UGGT2: variants seen among roughly 807,000 people sequenced by gnomAD.
The protein encoded by UGGT2 is UDP-glucose glycoprotein glucosyltransferase 2.
UGGT2 carries 180 observed loss-of-function variants against 192.1 expected under a neutral mutation model. The observed-to-expected ratio is 0.94, with a 90% CI of 0.83 to 1.06. UGGT2 has a LOEUF of 1.06. UGGT2 is among the 50% of genes least tolerant of loss of function. UGGT2 has a pLI of 0.00. For missense variants in UGGT2, 1,849 were observed against 1,795.7 expected, an observed-to-expected ratio of 1.03 and a Z score of -0.54; for synonymous variants, 580 against 591.0, an observed-to-expected ratio of 0.98 and a Z score of 0.27.
intron 20 of UGGT2, among the ~76,000 whole-genome samples, chr13:95,916,321 C>T (rs1046830983): frequency 6.6e-6 from 1 of 152,132 alleles, no homozygotes; most frequent in Non-Finnish European, 1.5e-5. Context: ...AGAAGAGCAG[C>T]TTGACCGTTA....
chr13:95,802,604 C>T (rs1884110892), intron 38 of UGGT2, among the ~76,000 whole-genome samples: 1 of 152,170 alleles, frequency 6.6e-6, no homozygotes, highest in South Asian at 2.1e-4. Flanking sequence ...ACAACTTCAT[C>T]CCAGGATACA....
intron 20 of UGGT2, among the ~76,000 whole-genome samples, chr13:95,903,803 T>C (rs990155111): frequency 6.6e-6 from 1 of 152,162 alleles, no homozygotes; most frequent in African/African-American, 2.4e-5. Context: ...TAAATAGTTT[T>C]TCAAAGTAAT....
At chr13:95,887,655 A>C (rs2047682351) in intron 26 of UGGT2, among the ~76,000 whole-genome samples, 1 of 152,198 alleles carries the variant, frequency 6.6e-6, no homozygotes, top group Non-Finnish European at 1.5e-5. Context: ...ACCTATGAAT[A>C]AATATAAATC....
At chr13:95,957,220 A>G (rs187794170) in intron 12 of UGGT2, among the ~76,000 whole-genome samples, 29 of 152,364 alleles carry the variant, frequency 1.9e-4, no homozygotes, top group Admixed American at 1.7e-3. Context: ...CGTTCGGGAT[A>G]ATGAAAAAGT....
chr13:96,023,286 C>A (rs951380982), intron 3 of UGGT2, 134 bp from the exon 4 acceptor site: 1 of 663,034 alleles, frequency 1.5e-6, no homozygotes, highest in Non-Finnish European at 2.2e-6. Context: ...AGTAAAAAAA[C>A]ATCTATACGT....
intron 1 of UGGT2, among the ~76,000 whole-genome samples, chr13:96,034,333 C>T (rs377136072): frequency 9.2e-5 from 14 of 152,312 alleles, no homozygotes; most frequent in South Asian, 2.1e-4. Flanking sequence ...CTCATCAAGA[C>T]GATCTGCCAG....
Position 95,854,460 on chromosome 13 carries a change from G to T in UGGT2, c.4024C>A (p.Leu1342Ile). The change falls in exon 35 of 39, where the codon CTA (leucine) becomes ATA (isoleucine). Residue 1342 changes from leucine (L) to isoleucine (I), a missense_variant. By Grantham distance (5) the Leu-to-Ile change is conservative (BLOSUM62 2). Coordinates refer to ENST00000376747, the MANE Select transcript of UGGT2 (RefSeq NM_020121.4). ...VDADQIVRHD[L>I]KELRDFDLDG... ...AGATCGAAATCTCGAAGTTCTTTTA[G>T]ATCATGTCTCACAATCTAAATAATT... 1 of 1,608,120 alleles carries T rather than the reference G, an allele frequency of 6.2e-7. No homozygotes were observed. The highest frequency in any genetic ancestry group is 2.2e-5 in the East Asian group (1 of 44,792).
intron 1 of UGGT2, among the ~76,000 whole-genome samples, chr13:96,052,497 C>G (rs1387566250): frequency 3.3e-5 from 5 of 152,026 alleles, no homozygotes; most frequent in Non-Finnish European, 5.9e-5. Context: ...CTTTTAGCAT[C>G]AAATACATGA....
chr13:95,946,427 G>A (rs2049870751), intron 15 of UGGT2, among the ~76,000 whole-genome samples: 1 of 152,206 alleles, frequency 6.6e-6, no homozygotes, highest in Admixed American at 6.5e-5. Context: ...GGAGTGCAGT[G>A]GCTCGATCTT....
At chr13:95,842,005 C>T (rs1053718694) in intron 36 of UGGT2, among the ~76,000 whole-genome samples, 3 of 152,186 alleles carry the variant, frequency 2.0e-5, no homozygotes, top group African/African-American at 7.2e-5. Context: ...GAGGCATAGG[C>T]TTATTTCTGA....
At chr13:96,044,895 C>G (rs1161487202) in intron 1 of UGGT2, among the ~76,000 whole-genome samples, 1 of 152,130 alleles carries the variant, frequency 6.6e-6, no homozygotes, top group Non-Finnish European at 1.5e-5. Context: ...CAGACATATT[C>G]ACAGCCAAAT....
At chr13:95,930,187 A>G (rs1295511375) in intron 17 of UGGT2, among the ~76,000 whole-genome samples, 2 of 152,160 alleles carry the variant, frequency 1.3e-5, no homozygotes, top group African/African-American at 4.8e-5. Context: ...TGTCGGATAT[A>G]CAGTTTGTGA....
At position 95,854,444 on chromosome 13, in the gene UGGT2, T is replaced by C. The variant is rs1161452638; in HGVS notation, c.4040A>G (p.Asp1347Gly). 6 of 1,610,450 alleles carry C rather than the reference T, an allele frequency of 3.7e-6. No homozygotes were observed. Among genetic ancestry groups the C allele is most frequent in the Non-Finnish European group, 5.1e-6 (6 of 1,178,800 alleles). The change falls in exon 35 of 39, where the codon GAT (aspartate) becomes GGT (glycine). Residue 1347 changes from aspartate to glycine, a missense_variant. Asp to Gly is a moderately conservative substitution (Grantham distance 94, BLOSUM62 -1). Transcript: ENST00000376747. Reference protein sequence around the residue: ...IVRHDLKELRDFDLDGAPYGY... With the variant: ...IVRHDLKELRGFDLDGAPYGY... ...ATAAGGAGCTCCATCCAGATCGAAA[T>C]CTCGAAGTTCTTTTAGATCATGTCT... is the stretch of plus-strand genomic sequence containing the variant.
At chr13:96,000,367 C>T (rs2051760118) in intron 5 of UGGT2, among the ~76,000 whole-genome samples, 1 of 152,166 alleles carries the variant, frequency 6.6e-6, no homozygotes, top group Non-Finnish European at 1.5e-5. Context: ...GTTCTTTGGC[C>T]TGTTCTATTT....
At chr13:95,909,427 A>C (rs1306951379) in intron 20 of UGGT2, among the ~76,000 whole-genome samples, 4 of 151,694 alleles carry the variant, frequency 2.6e-5, no homozygotes, top group African/African-American at 9.7e-5. Flanking sequence ...CAGCCATAAA[A>C]AATGATGAGT....
intron 4 of UGGT2, among the ~76,000 whole-genome samples, chr13:96,016,764 G>A (rs1440463957): frequency 6.6e-6 from 1 of 152,222 alleles, no homozygotes; most frequent in Non-Finnish European, 1.5e-5. Context: ...CCTGGATACT[G>A]CCTAGTGGAG....
At chr13:95,830,588 C>T (rs1286324450) in intron 38 of UGGT2, among the ~76,000 whole-genome samples, 4 of 152,180 alleles carry the variant, frequency 2.6e-5, no homozygotes, top group Non-Finnish European at 5.9e-5. Context: ...GATACTGTCT[C>T]ACACCAGTTA....
At chr13:96,039,188 T>C (rs1441359516) in intron 1 of UGGT2, among the ~76,000 whole-genome samples, 1 of 152,082 alleles carries the variant, frequency 6.6e-6, no homozygotes, top group Non-Finnish European at 1.5e-5. Context: ...TGCAGAGTTA[T>C]TCTTTCTTTC....
chr13:95,962,643 A>C (rs1363599354), intron 12 of UGGT2, among the ~76,000 whole-genome samples: 4 of 152,142 alleles, frequency 2.6e-5, no homozygotes, highest in Non-Finnish European at 5.9e-5. Context: ...ATTCTCCTCA[A>C]ATTATTCCCA....
Sources: allele counts gnomAD v4.1 joint callset (sites outside exome capture counted in the v4.1 genomes callset), GRCh38; gene constraint gnomAD v4.1.1; transcripts MANE v1.5; gene names NCBI Gene and HGNC (gene_info 2026-07-23, HGNC 2026-07-21).